The following SCRIB variants were observed in gnomAD, a reference collection of about 807,000 sequenced individuals.
The protein encoded by SCRIB is scribble planar cell polarity protein.
In SCRIB, 72 loss-of-function variants were observed where a neutral mutation model predicts 170.0. That is an observed-to-expected ratio of 0.42 (90% confidence interval 0.35 to 0.52). The LOEUF is 0.52. Among genes scored for constraint, SCRIB ranks in the 20% least tolerant of loss-of-function variants. The pLI is 0.02. For synonymous variants in SCRIB, 1,298 were observed against 1,044.3 expected, an observed-to-expected ratio of 1.24 and a Z score of -4.68; for missense variants, 2,475 against 2,338.5, an observed-to-expected ratio of 1.06 and a Z score of -1.20.
In SCRIB at chr8:143,805,221, G is replaced by A. The variant is rs1815367496; in HGVS notation, c.2561C>T (p.Pro854Leu). ...CACGTGGCGCTGACGGAGGGGCCCG[G>A]GGCTCTCAGGCGGGAGCAGGGGCAG... ...LRLPLLPPESPGPLRQRHVAC... is the reference protein window; with the variant it reads ...LRLPLLPPESLGPLRQRHVAC... The change falls in exon 19 of 37, where the codon CCC becomes CTC. Residue 854 changes from proline (P) to leucine (L), a missense_variant. Physicochemically the swap from Pro to Leu is moderately conservative, Grantham distance 98. Coordinates refer to ENST00000356994, the MANE Select transcript of SCRIB (RefSeq NM_182706.5). 6.4e-7 allele frequency: 1 copy of A among 1,554,756 alleles called. No homozygotes were observed. The highest frequency in any genetic ancestry group is 1.9e-5 in the Admixed American group (1 of 53,504).
Position 143,812,822 on chromosome 8 carries a change from C to G in SCRIB, c.782G>C (p.Gly261Ala). The G allele has an allele frequency of 1.3e-6, 2 of 1,599,092 alleles. No homozygotes were observed. The highest frequency in any genetic ancestry group is 2.7e-5 in the African/African-American group (2 of 75,020). ...SQNLLRRLPD[G>A]IGQLKQLSIL... ...GCACCCCCAGGCACACTAACCGATG[C>G]CGTCGGGCAGCCTCCGCAGCAGGTT... Residue 261 changes from glycine (G) to alanine (A), a missense_variant, in exon 8 of 37, where the codon GGC (glycine) becomes GCC (alanine). Coordinates refer to ENST00000356994, the MANE Select transcript of SCRIB (RefSeq NM_182706.5).
rs2129991259 is a variant in SCRIB at position 143,793,035 on chromosome 8, C to T, written c.3958G>A (p.Ala1320Thr). The T allele has an allele frequency of 7.9e-6, 12 of 1,510,588 alleles. No homozygotes were observed. The highest frequency in any genetic ancestry group is 1.4e-5 in the African/African-American group (1 of 71,642). The allele number at this position is 1,510,588 out of a possible 1,614,324, so 93.6% of individuals were successfully genotyped here. The change falls in exon 29 of 37, where the codon GCC becomes ACC. Residue 1320 changes from alanine to threonine, a missense_variant. This residue lies in a region of SCRIB where 1,966 missense variants were observed against 1,742.9 expected (regional missense o/e 1.13). Transcript: ENST00000356994. ...PDELPANVKQ[A>T]YRAFAAVPTS... ...GGCACGGCCGCGAAGGCCCTGTAGG[C>T]CTGCTTCACATTGGCGGGCAGCTCA...
chr8:143,812,536 C>G (rs1815789241), intron 8 of SCRIB, 152 bp from the exon 9 acceptor site: 1 of 714,580 alleles, frequency 1.4e-6, no homozygotes, highest in Admixed American at 2.2e-5. Flanking sequence ...CCTTGCCCCA[C>G]AAGCCTGACC....
At chr8:143,811,476 CG>C (rs1815718983) in intron 9 of SCRIB, 131 bp from the exon 10 acceptor site, 1 of 766,760 alleles carries the variant, frequency 1.3e-6, no homozygotes. Flanking sequence ...CCCTGGAGAC[CG>C]GGACAAGGAC....
intron 24 of SCRIB, among the ~76,000 whole-genome samples, chr8:143,798,028 A>G (rs975691500): frequency 6.6e-6 from 1 of 152,242 alleles, no homozygotes; most frequent in Admixed American, 6.5e-5. Context: ...CTGGGAGCAG[A>G]GAGATGGAGG....
At chr8:143,795,195 G>A (rs1261376695) in intron 26 of SCRIB, 82 bp downstream of exon 26, 6 of 1,598,706 alleles carry the variant, frequency 3.8e-6, no homozygotes, top group African/African-American at 2.7e-5. Context: ...GGGGGTCCTG[G>A]GGGTTACTAC....
rs1477148467 is a variant in SCRIB at position 143,804,552 on chromosome 8, G to A, written c.3009+16C>T. On this transcript the variant is annotated intron_variant, in intron 21 of 36. Transcript: ENST00000356994. ...CTGAAGCTGGGTGGGTGCCTGGGTG[G>A]GGGCTTGTGTCTCACCTCCACTGGG... The A allele has an allele frequency of 4.0e-6, 6 of 1,490,516 alleles. No homozygotes were observed. The African/African-American group carries it at 7.0e-5, about 17-fold the overall frequency. The allele number at this position is 1,490,516 out of a possible 1,614,324, so 92.3% of individuals were successfully genotyped here. A position where few individuals can be genotyped will look rare whatever the true frequency, so the allele number is the denominator to read the frequency against.
chr8:143,809,309 G>A lies in SCRIB; in HGVS notation c.1698+242C>T, dbSNP rs546786070. Among the ~76,000 whole-genome samples the A allele has an allele frequency of 3.3e-5, 5 of 152,196 alleles. 1 individual carries two copies. In the South Asian group the frequency reaches 8.3e-4, roughly 25 times the overall value. ...TCAGAAGAGAGTCCAGGGTGGGGGT[G>A]GGCTCTGTGAGCCCAGCCGTCAGGG... On this transcript the variant is annotated intron_variant, in intron 14 of 36. Coordinates refer to ENST00000356994, the MANE Select transcript of SCRIB (RefSeq NM_182706.5).
Position 143,815,204 on chromosome 8 carries a change from G to C in SCRIB, c.159+10C>G, listed in dbSNP as rs758433300. On this transcript the variant is annotated intron_variant, in intron 1 of 36. Transcript: ENST00000356994. Reference sequence around the variant, plus strand: ...GCGCCTTTGGGCGGCAGGTGCGGGCGGCCGCTCACCTTGGGCAGCTCGCGC... The same window carrying C: ...GCGCCTTTGGGCGGCAGGTGCGGGCCGCCGCTCACCTTGGGCAGCTCGCGC... 1.9e-6 allele frequency: 3 copies of C among 1,559,990 alleles called. No homozygotes were observed. Among genetic ancestry groups the C allele is most frequent in the African/African-American group, 2.8e-5 (2 of 71,320 alleles).
At position 143,809,609 on chromosome 8, in the gene SCRIB, C is replaced by T; in HGVS notation, c.1640G>A (p.Ser547Asn). 6.2e-7 allele frequency: 1 copy of T among 1,611,270 alleles called. No individual in the cohort carries two copies. Residue 547 changes from serine (S) to asparagine (N), a missense_variant, in exon 14 of 37, where the codon AGC (serine) becomes AAC (asparagine). Ser to Asn is a conservative substitution (Grantham distance 46). Coordinates refer to ENST00000356994, the MANE Select transcript of SCRIB (RefSeq NM_182706.5). ...EGPSAEAQGG[S>N]QQEATTAGGE... ...GCCAGCAGTCGTGGCTTCCTGCTGG[C>T]TCCCACCCTGTGCCTCAGCCGACGG...
intron 9 of SCRIB, 30 bp from the exon 10 acceptor site, chr8:143,811,375 T>G (rs1202866217): frequency 5.0e-6 from 8 of 1,592,274 alleles, no homozygotes; most frequent in Non-Finnish European, 6.9e-6. Context: ...CAGAGGACGC[T>G]AGGGGCTTGC....
At position 143,792,006 on chromosome 8, in the gene SCRIB, GC is replaced by G. The variant is rs782470376; in HGVS notation, c.4641del (p.Thr1549ProfsTer50). ...AEAPSPAPTP[S>X]PTPVEDLGPQ... ...ACCCACAGACCTTCCACAGGGGTGG[GC>G]GACGGGGTGGGCGCAGGGGAAGGGG... On this transcript the variant is annotated frameshift_variant, in exon 33 of 37. Transcript: ENST00000356994. LOFTEE classifies it high-confidence loss of function. The G allele has an allele frequency of 2.0e-6, 3 of 1,529,664 alleles. No homozygotes were observed. The highest frequency in any genetic ancestry group is 2.6e-6 in the Non-Finnish European group (3 of 1,140,334). 94.8% of individuals were successfully genotyped at this position (1,529,664 alleles called of 1,614,324 possible).
intron 33 of SCRIB, 22 bp downstream of exon 33, chr8:143,791,969 C>A: frequency 1.3e-6 from 2 of 1,488,158 alleles, no homozygotes; most frequent in Admixed American, 2.4e-5. Flanking sequence ...CTGACCCCCC[C>A]GACCTGCCCT....
At chr8:143,812,223 C>T (rs1413563154) in intron 9 of SCRIB, 43 bp downstream of exon 9, 3 of 1,280,210 alleles carry the variant, frequency 2.3e-6, no homozygotes, top group Admixed American at 1.7e-5. Context: ...TGTTCTGCAC[C>T]CCCGACGGCC....
Position 143,793,014 on chromosome 8 carries a change from C to G in SCRIB, c.3979G>C (p.Val1327Leu). 1 of 1,512,038 alleles carries G rather than the reference C, an allele frequency of 6.6e-7. No homozygotes were observed. Among genetic ancestry groups the G allele is most frequent in the South Asian group, 1.3e-5 (1 of 78,624 alleles). 93.7% of individuals were successfully genotyped at this position (1,512,038 alleles called of 1,614,324 possible). A position where few individuals can be genotyped will look rare whatever the true frequency, so the allele number is the denominator to read the frequency against. The change falls in exon 29 of 37, where the codon GTG (valine) becomes CTG (leucine). Residue 1327 changes from valine to leucine, a missense_variant. This residue lies in a region of SCRIB where 1,966 missense variants were observed against 1,742.9 expected (regional missense o/e 1.13). Coordinates refer to ENST00000356994, the MANE Select transcript of SCRIB (RefSeq NM_182706.5). ...TCCTCAGGCGGGTGAGAAGTGGGCA[C>G]GGCCGCGAAGGCCCTGTAGGCCTGC... is the stretch of plus-strand genomic sequence containing the variant. Reference protein sequence around the residue: ...VKQAYRAFAAVPTSHPPEDAP... With the variant: ...VKQAYRAFAALPTSHPPEDAP...
chr8:143,791,969 C>G (rs1438814661), intron 33 of SCRIB, 22 bp downstream of exon 33: 1 of 1,488,158 alleles, frequency 6.7e-7, no homozygotes, highest in South Asian at 1.4e-5. Context: ...CTGACCCCCC[C>G]GACCTGCCCT....
intron 29 of SCRIB, 28 bp downstream of exon 29, chr8:143,792,947 CA>C (rs782137926): frequency 6.7e-7 from 1 of 1,502,788 alleles, no homozygotes; most frequent in African/African-American, 1.4e-5. Context: ...CAACCACGCG[CA>C]GCAGGGAGGC....
intron 24 of SCRIB, among the ~76,000 whole-genome samples, chr8:143,797,851 G>A (rs1815009313): frequency 6.6e-6 from 1 of 152,274 alleles, no homozygotes. Context: ...CCACGACGGA[G>A]CACGTCCCCG....
In SCRIB at chr8:143,791,483, C is replaced by G; in HGVS notation, c.4771-43G>C. On this transcript the variant is annotated intron_variant, in intron 35 of 36. Transcript: ENST00000356994. ...TTGGTCAGGCCGGTGCCAGCCCTGC[C>G]CCAAACCACCCAGGTGGACGGGTGG... is the stretch of plus-strand genomic sequence containing the variant. The G allele has an allele frequency of 1.9e-6, 3 of 1,602,052 alleles. No homozygotes were observed. In the East Asian group the frequency reaches 6.8e-5, roughly 36 times the overall value.
Sources: allele counts gnomAD v4.1 joint callset (sites outside exome capture counted in the v4.1 genomes callset), GRCh38; gene constraint gnomAD v4.1.1; regional missense constraint gnomAD v4.1.1; transcripts MANE v1.5; gene names NCBI Gene and HGNC (gene_info 2026-07-23, HGNC 2026-07-21).